PLBD1: variants seen among roughly 807,000 people sequenced by gnomAD.
PLBD1 encodes the protein phospholipase B domain containing 1.
A neutral mutation model predicts 63.0 loss-of-function variants in PLBD1; 60 were observed. The ratio of observed to expected loss-of-function variants is 0.95; its 90% confidence interval spans 0.77 to 1.18. PLBD1 has a LOEUF of 1.18. Among genes scored for constraint, PLBD1 ranks in the 50% most tolerant of loss-of-function variants. The pLI is 0.00. For synonymous variants in PLBD1, 262 were observed against 248.0 expected (o/e 1.06, Z -0.53); for missense variants, 598 against 677.9 (o/e 0.88, Z 1.31).
rs1476817675 is a variant in PLBD1, at chr12:14,536,628, T to C, written c.641A>G (p.Asn214Ser). 1 of 1,614,110 alleles carries C rather than the reference T, an allele frequency of 6.2e-7. No individual in the cohort carries two copies. The highest frequency in any genetic ancestry group is 1.1e-5 in the South Asian group (1 of 91,086). The stretch of plus-strand genomic sequence containing the variant: ...TCTCTTAAAAACCTTTAGGCTGCCG[T>C]TTTTTGTGGGAGAGAGTGAGGGAAT... ...DLIPSLSPTKNGSLKVFKRWD... is the reference protein window; with the variant it reads ...DLIPSLSPTKSGSLKVFKRWD... Residue 214 changes from asparagine (N) to serine (S), a missense_variant, in exon 5 of 11, where the codon AAC (asparagine) becomes AGC (serine). Transcript: ENST00000240617.
intron 6 of PLBD1, among the ~76,000 whole-genome samples, chr12:14,524,492 A>G (rs1335956707): frequency 6.6e-6 from 1 of 152,208 alleles, no homozygotes; most frequent in Non-Finnish European, 1.5e-5. Flanking sequence ...CAGAGACACT[A>G]TGGTGTGCTA....
intron 1 of PLBD1, among the ~76,000 whole-genome samples, chr12:14,567,058 G>GCC: frequency 6.6e-6 from 1 of 152,066 alleles, no homozygotes; most frequent in Admixed American, 6.6e-5. Context: ...TCACACCATT[G>GCC]CACTCCAGCG....
At chr12:14,564,405 A>C (rs1945765129) in intron 1 of PLBD1, among the ~76,000 whole-genome samples, 1 of 152,188 alleles carries the variant, frequency 6.6e-6, no homozygotes, top group Admixed American at 6.5e-5. Context: ...CAGTGTCCCA[A>C]AATCAGGGAC....
chr12:14,567,508 ACGCGGGGCACGGG>A lies in PLBD1; in HGVS notation c.115+61_115+73del. The A allele has an allele frequency of 2.1e-6, 3 of 1,397,576 alleles. No homozygotes were observed. In the African/African-American group the frequency reaches 4.6e-5, roughly 21 times the overall value. The allele number at this position is 1,397,576 out of a possible 1,614,324, so 86.6% of individuals were successfully genotyped here. A position where few individuals can be genotyped will look rare whatever the true frequency, so the allele number is the denominator to read the frequency against. Reference sequence around the variant, plus strand: ...GCCCGCTGGACGTCAACTCGGCCGGACGCGGGGCACGGGCGCTAACAGGCTCCTAGGAGCCTCC... The same window carrying A: ...GCCCGCTGGACGTCAACTCGGCCGGACGCTAACAGGCTCCTAGGAGCCTCC... On this transcript the variant is annotated intron_variant, in intron 1 of 10. Coordinates refer to ENST00000240617, the MANE Select transcript of PLBD1 (RefSeq NM_024829.6).
chr12:14,505,292 A>C (rs1267589310), intron 10 of PLBD1, among the ~76,000 whole-genome samples: 1 of 152,130 alleles, frequency 6.6e-6, no homozygotes, highest in East Asian at 1.9e-4. Context: ...TTTTGAGCCA[A>C]AGACAGAATA....
chr12:14,550,230 G>A (rs1945646182), intron 2 of PLBD1, among the ~76,000 whole-genome samples: 1 of 152,166 alleles, frequency 6.6e-6, no homozygotes. Context: ...CCGCAGTAGA[G>A]TTGCTAGCAA....
chr12:14,511,826 C>T (rs1312475448), intron 6 of PLBD1, 115 bp from the exon 7 acceptor site: 1 of 1,028,024 alleles, frequency 9.7e-7, no homozygotes, highest in East Asian at 2.6e-5. Flanking sequence ...TCAGTTATTA[C>T]TATCCTTGAT....
chr12:14,517,307 G>C (rs924440437), intron 6 of PLBD1, among the ~76,000 whole-genome samples: 4 of 151,972 alleles, frequency 2.6e-5, no homozygotes, highest in Non-Finnish European at 4.4e-5. Flanking sequence ...CACCACACCT[G>C]GCTAAATTTT....
At chr12:14,567,400 A>G (rs1330596661) in intron 1 of PLBD1, among the ~76,000 whole-genome samples, 182 bp downstream of exon 1, 1 of 152,222 alleles carries the variant, frequency 6.6e-6, no homozygotes, top group Non-Finnish European at 1.5e-5. Context: ...GCCCTTCTCA[A>G]GTGCCCTCGC....
intron 6 of PLBD1, among the ~76,000 whole-genome samples, chr12:14,531,695 A>G (rs981912406): frequency 3.9e-5 from 6 of 152,128 alleles, no homozygotes; most frequent in Non-Finnish European, 4.4e-5. Flanking sequence ...CAGTGGTGCT[A>G]TCTCGGCTCC....
At chr12:14,540,321 G>T (rs1325555675) in intron 4 of PLBD1, among the ~76,000 whole-genome samples, 1 of 151,588 alleles carries the variant, frequency 6.6e-6, no homozygotes, top group Non-Finnish European at 1.5e-5. Context: ...GGAAGCCTTA[G>T]TGATTCAGTA....
At chr12:14,532,101 T>TCACCCA (rs1335389486) in intron 6 of PLBD1, among the ~76,000 whole-genome samples, 1 of 152,116 alleles carries the variant, frequency 6.6e-6, no homozygotes, top group Non-Finnish European at 1.5e-5. Flanking sequence ...CCTTCACTCC[T>TCACCCA]CACCCACGGG....
chr12:14,566,318 A>T (rs952782467), intron 1 of PLBD1, among the ~76,000 whole-genome samples: 1 of 152,202 alleles, frequency 6.6e-6, no homozygotes, highest in Admixed American at 6.5e-5. Context: ...TTGAAGAGTG[A>T]TAACTAAGCA....
intron 1 of PLBD1, among the ~76,000 whole-genome samples, chr12:14,555,213 C>T (rs181334653): frequency 4.6e-5 from 7 of 152,102 alleles, no homozygotes; most frequent in African/African-American, 1.2e-4. Flanking sequence ...GTTAGCTTGC[C>T]GGCTAAGAAT....
At chr12:14,506,072 C>T (rs943829996) in intron 10 of PLBD1, 90 bp downstream of exon 10, 70 of 782,880 alleles carry the variant, frequency 8.9e-5, no homozygotes, top group Middle Eastern at 2.4e-4. Context: ...TTAGCGACAT[C>T]GCTTCCTGCC....
chr12:14,560,867 CAG>C (rs1487137178), intron 1 of PLBD1, among the ~76,000 whole-genome samples: 2 of 151,986 alleles, frequency 1.3e-5, no homozygotes, highest in Non-Finnish European at 2.9e-5. Flanking sequence ...ACTGTGGACA[CAG>C]GGGTTGATCC....
In PLBD1 at chr12:14,506,925, C is replaced by T. The variant is rs1945260766; in HGVS notation, c.1372+8G>A. ...TGAAGAATGATTCTTGAGAAATATG[C>T]TACGTACTGTTGTATCGCATGATAT... On this transcript the variant is annotated splice_region_variant and intron_variant, in intron 9 of 10. Transcript: ENST00000240617. 7 of 1,609,550 alleles carry T rather than the reference C, an allele frequency of 4.3e-6. No individual in the cohort carries two copies. The highest frequency in any genetic ancestry group is 5.9e-6 in the Non-Finnish European group (7 of 1,176,672).
intron 6 of PLBD1, among the ~76,000 whole-genome samples, chr12:14,517,242 G>A (rs1945343804): frequency 6.6e-6 from 1 of 152,056 alleles, no homozygotes; most frequent in Admixed American, 6.6e-5. Context: ...AAACCCCCAG[G>A]ATCAAAGGAT....
chr12:14,509,951 A>G (rs768720680), intron 8 of PLBD1, among the ~76,000 whole-genome samples: 23 of 152,288 alleles, frequency 1.5e-4, no homozygotes, highest in Non-Finnish European at 3.2e-4. Context: ...ACATCCAGAA[A>G]TTCTTGGGAG....
Sources: gnomAD v4.1 joint callset for allele counts (sites outside exome capture counted in the v4.1 genomes callset) on GRCh38, gnomAD v4.1.1 for gene constraint, MANE v1.5 for transcripts, NCBI Gene and HGNC (gene_info 2026-07-23, HGNC 2026-07-21) for gene names.